RNLS: variants seen among roughly 807,000 people sequenced by gnomAD.
RNLS encodes the protein renalase, FAD dependent amine oxidase.
A neutral mutation model predicts 39.8 loss-of-function variants in RNLS; 39 were observed. The observed-to-expected ratio is 0.98, with a 90% CI of 0.76 to 1.28. The LOEUF (loss-of-function observed/expected upper bound fraction) is 1.28. RNLS is among the 50% of genes most tolerant of loss of function. RNLS has a pLI of 0.00. For synonymous variants in RNLS, 147 were observed against 150.7 expected (o/e 0.98, Z 0.18); for missense variants, 410 against 413.3 (o/e 0.99, Z 0.07).
At chr10:88,309,878 A>G (rs1845226468) in intron 6 of RNLS, among the ~76,000 whole-genome samples, 1 of 152,210 alleles carries the variant, frequency 6.6e-6, no homozygotes, top group South Asian at 2.1e-4. Flanking sequence ...GAAATTCTTT[A>G]AAGTTCTATA....
chr10:88,182,867 T>A, the RNLS span, among the ~76,000 whole-genome samples: 12 of 152,098 alleles, frequency 7.9e-5, no homozygotes, highest in Non-Finnish European at 2.9e-5. Flanking sequence ...AGTTCAGTTG[T>A]GGAAAGGCAA....
At chr10:88,560,594 T>C (rs755535015) in intron 4 of RNLS, among the ~76,000 whole-genome samples, 14 of 152,038 alleles carry the variant, frequency 9.2e-5, no homozygotes, top group Non-Finnish European at 1.8e-4. Flanking sequence ...AGGAGCCTAC[T>C]GGAGAATGAT....
chr10:88,551,899 C>T (rs1234462246), intron 4 of RNLS, among the ~76,000 whole-genome samples: 2 of 152,112 alleles, frequency 1.3e-5, no homozygotes, highest in Non-Finnish European at 2.9e-5. Context: ...GTTATTTACT[C>T]TAGTTCTAAA....
the RNLS span, among the ~76,000 whole-genome samples, chr10:88,173,728 A>G: frequency 6.6e-6 from 1 of 152,176 alleles, no homozygotes; most frequent in Non-Finnish European, 1.5e-5. Context: ...GCTAGTGAAA[A>G]CTAATTATTC....
At chr10:88,486,773 T>C (rs2148127) in intron 4 of RNLS, among the ~76,000 whole-genome samples, 43,498 of 152,000 alleles carry the variant, frequency 0.29, 7,526 homozygotes, top group East Asian at 0.46. Context: ...GGAGTGTAAA[T>C]TAGTTCAACC....
intron 5 of RNLS, among the ~76,000 whole-genome samples, chr10:88,315,040 T>C (rs1224901440): frequency 6.6e-6 from 1 of 152,236 alleles, no homozygotes; most frequent in Non-Finnish European, 1.5e-5. Context: ...GAACAAAGTA[T>C]ATATTCAATA....
the RNLS span, among the ~76,000 whole-genome samples, chr10:88,260,874 A>T: frequency 6.6e-6 from 1 of 152,262 alleles, no homozygotes; most frequent in African/African-American, 2.4e-5. Flanking sequence ...TGACTTTTAA[A>T]AATCTAACTA....
chr10:88,402,323 A>T (rs1852973625), intron 4 of RNLS, among the ~76,000 whole-genome samples: 1 of 151,996 alleles, frequency 6.6e-6, no homozygotes. Flanking sequence ...CACATATGGG[A>T]GTTCCAGAAG....
chr10:88,347,785 C>T (rs1035096693), intron 5 of RNLS, among the ~76,000 whole-genome samples: 27 of 152,020 alleles, frequency 1.8e-4, no homozygotes, highest in Non-Finnish European at 2.9e-5. Context: ...TTCTTTTCGC[C>T]CTTTCTTTGT....
At chr10:88,362,524 A>G in intron 5 of RNLS, 28 bp downstream of exon 5, 2 of 1,603,610 alleles carry the variant, frequency 1.2e-6, no homozygotes, top group South Asian at 2.2e-5. Flanking sequence ...TTGTTGCTGT[A>G]TTTAAGGGAA....
intron 5 of RNLS, among the ~76,000 whole-genome samples, chr10:88,354,750 G>T (rs190439769): frequency 1.1e-4 from 16 of 152,216 alleles, no homozygotes; most frequent in South Asian, 8.3e-4. Context: ...TCCTGAATTT[G>T]AATGTTGGCC....
At chr10:88,281,846 G>T (rs1417122525), downstream of RNLS, among the ~76,000 whole-genome samples, 1 of 152,016 alleles carries the variant, frequency 6.6e-6, no homozygotes, top group African/African-American at 2.4e-5. Context: ...CATATTCCCG[G>T]TTTTTCTGAG....
rs577368373 is a variant in RNLS at position 88,443,494 on chromosome 10, C to T, written c.527-80769G>A. The stretch of plus-strand genomic sequence containing the variant: ...AGGACAGTGGGTGCAGCACACCGAG[C>T]GTGAGCCGAAGCAGGGCGAGGCATC... On this transcript the variant is annotated intron_variant, in intron 4 of 6. Transcript: ENST00000331772. 2.0e-4 allele frequency among the ~76,000 whole-genome samples: 31 copies of T among 152,202 alleles called. 1 individual carries two copies. Among genetic ancestry groups the T allele is most frequent in the Admixed American group, 1.2e-3 (18 of 15,286 alleles).
intron 4 of RNLS, among the ~76,000 whole-genome samples, chr10:88,387,389 T>A (rs1851927424): frequency 6.6e-6 from 1 of 151,812 alleles, no homozygotes; most frequent in Admixed American, 6.6e-5. Flanking sequence ...GAGCTCTGAT[T>A]GGCTGGTGAT....
the RNLS span, among the ~76,000 whole-genome samples, chr10:88,219,808 T>C: frequency 1.3e-5 from 2 of 152,192 alleles, no homozygotes; most frequent in Admixed American, 6.5e-5. Context: ...TAAAGACACA[T>C]CAATTACTTC....
the RNLS span, among the ~76,000 whole-genome samples, chr10:88,198,283 A>T: frequency 6.6e-6 from 1 of 152,186 alleles, no homozygotes; most frequent in African/African-American, 2.4e-5. Flanking sequence ...AGGCTCGTGC[A>T]TTTCAGAGGT....
chr10:88,292,833 G>A (rs1304730284), intron 6 of RNLS, among the ~76,000 whole-genome samples: 1 of 151,920 alleles, frequency 6.6e-6, no homozygotes, highest in African/African-American at 2.4e-5. Context: ...CATGAGGTCA[G>A]GAGATTGAGA....
intron 4 of RNLS, among the ~76,000 whole-genome samples, chr10:88,374,316 TCTC>T (rs1850794032): frequency 2.0e-5 from 3 of 152,062 alleles, no homozygotes; most frequent in South Asian, 4.1e-4. Flanking sequence ...ATCCAAAAGT[TCTC>T]CTTATTAACA....
intron 4 of RNLS, among the ~76,000 whole-genome samples, chr10:88,527,446 TGGGGAGGGGCTTTGTTAGGCCAG>T: frequency 6.6e-6 from 1 of 152,286 alleles, no homozygotes; most frequent in East Asian, 1.9e-4. Flanking sequence ...CCCTGTGCCC[TGGGGAGGGGCTTTGTTAGGCCAG>T]GGGGAGGGGC....
Sources: allele counts gnomAD v4.1 joint callset (sites outside exome capture counted in the v4.1 genomes callset), GRCh38; gene constraint gnomAD v4.1.1; transcripts MANE v1.5; gene names NCBI Gene and HGNC (gene_info 2026-07-23, HGNC 2026-07-21).